BCAS3: variants seen among roughly 807,000 people sequenced by gnomAD.
BCAS3 encodes the protein BCAS4/BCAS3 fusion.
Under a neutral mutation model 116.1 loss-of-function variants are expected in BCAS3, and 53 were observed. The ratio of observed to expected loss-of-function variants is 0.46; its 90% CI spans 0.37 to 0.57. The LOEUF (loss-of-function observed/expected upper bound fraction) is 0.57, where lower values mean the gene tolerates loss of function less well. Ranked by LOEUF, BCAS3 falls within the 20% of genes least tolerant of loss-of-function variation. The pLI is 0.00. For missense variants in BCAS3, 917 were observed against 1,165.4 expected, an observed-to-expected ratio of 0.79 and a Z score of 3.10; for synonymous variants, 391 against 408.2, an observed-to-expected ratio of 0.96 and a Z score of 0.51.
chr17:60,845,740 G>C (rs1390911808), intron 7 of BCAS3, among the ~76,000 whole-genome samples: 1 of 151,090 alleles, frequency 6.6e-6, no homozygotes. Context: ...CTATTCTCTT[G>C]GTTACATACT....
intron 22 of BCAS3, among the ~76,000 whole-genome samples, chr17:61,306,153 G>C (rs1006544531): frequency 2.0e-5 from 3 of 152,172 alleles, no homozygotes; most frequent in African/African-American, 2.4e-5. Context: ...TTCTATATGT[G>C]GAAAAGCAGT....
chr17:60,690,930 A>AAACAAG (rs2034727258), intron 4 of BCAS3, among the ~76,000 whole-genome samples: 1 of 151,802 alleles, frequency 6.6e-6, no homozygotes, highest in African/African-American at 2.4e-5. Context: ...AAAAAAACAA[A>AAACAAG]AACAAAAACA....
intron 7 of BCAS3, among the ~76,000 whole-genome samples, chr17:60,846,952 T>C (rs911213905): frequency 3.3e-5 from 5 of 152,162 alleles, no homozygotes; most frequent in African/African-American, 1.2e-4. Flanking sequence ...GAAAGCCCCA[T>C]ACCCGTTAAA....
intron 6 of BCAS3, among the ~76,000 whole-genome samples, chr17:60,798,198 A>T (rs1340559012): frequency 1.3e-5 from 2 of 152,248 alleles, no homozygotes; most frequent in African/African-American, 4.8e-5. Flanking sequence ...AATTGACATT[A>T]GGATTCTCTT....
At chr17:60,910,963 A>AATAAATAATTAT (rs2058463357) in intron 12 of BCAS3, among the ~76,000 whole-genome samples, 1 of 152,104 alleles carries the variant, frequency 6.6e-6, no homozygotes, top group Non-Finnish European at 1.5e-5. Context: ...TTGTTTCATA[A>AATAAATAATTAT]ATAAATAATT....
chr17:61,380,666 G>A lies in BCAS3; in HGVS notation c.2594-11311G>A, dbSNP rs1470988687. ...TGCCCTCCTACCCCCTCGTGCCCAG[G>A]CCCAGGAGCACTCTAGGGAGGGCAG... On this transcript the variant is annotated intron_variant, in intron 23 of 23. Transcript: ENST00000407086. The surrounding 1 kb of genome is among the most constrained non-coding windows in gnomAD (Gnocchi z 4.2). 1.1e-5 allele frequency: 13 copies of A among 1,182,030 alleles called. No individual in the cohort carries two copies. The highest frequency in any genetic ancestry group is 1.6e-5 in the Non-Finnish European group (13 of 818,680). The allele number at this position is 1,182,030 out of a possible 1,614,324, so 73.2% of individuals were successfully genotyped here.
intron 11 of BCAS3, among the ~76,000 whole-genome samples, chr17:60,904,998 A>G (rs369867677): frequency 6.6e-6 from 1 of 152,224 alleles, no homozygotes; most frequent in African/African-American, 2.4e-5. Flanking sequence ...AGATCACCTT[A>G]ATACTAAAAC....
At chr17:60,720,078 A>G (rs1450710107) in intron 5 of BCAS3, 1 of 152,126 alleles carries the variant, frequency 6.6e-6, no homozygotes, top group Non-Finnish European at 1.5e-5. Context: ...TCAGTGGTAA[A>G]AGTCTTCTGA....
At chr17:60,794,436 T>C (rs1256526965) in intron 6 of BCAS3, among the ~76,000 whole-genome samples, 1 of 152,222 alleles carries the variant, frequency 6.6e-6, no homozygotes, top group Non-Finnish European at 1.5e-5. Flanking sequence ...ATCTGTGTTT[T>C]TATTGCATTT....
chr17:60,837,358 A>G (rs1357216570), intron 7 of BCAS3, among the ~76,000 whole-genome samples: 2 of 152,156 alleles, frequency 1.3e-5, no homozygotes, highest in Non-Finnish European at 2.9e-5. Context: ...AGTTAAGCCA[A>G]AAACTGATTA....
At chr17:61,127,475 C>T (rs1463519406) in intron 22 of BCAS3, among the ~76,000 whole-genome samples, 2 of 151,328 alleles carry the variant, frequency 1.3e-5, no homozygotes, top group Admixed American at 1.3e-4. Flanking sequence ...TTGTGCTGTC[C>T]AATACAATAG....
chr17:61,161,503 G>A lies in BCAS3; in HGVS notation c.2425+76939G>A, dbSNP rs1014692960. On this transcript the variant is annotated intron_variant, in intron 22 of 23. Coordinates refer to ENST00000407086, the MANE Select transcript of BCAS3 (RefSeq NM_017679.5). The surrounding 1 kb of genome is among the most constrained non-coding windows in gnomAD (Gnocchi z 4.8). ...AAAGACAGAGATAGTGGCACAAAAT[G>A]TGCTGTGGGTTTAAGCAATATTTGA... Among the ~76,000 whole-genome samples, 4 of 152,210 alleles carry A rather than the reference G, an allele frequency of 2.6e-5. No individual in the cohort carries two copies. Among genetic ancestry groups the A allele is most frequent in the Non-Finnish European group, 4.4e-5 (3 of 68,034 alleles).
intron 14 of BCAS3, among the ~76,000 whole-genome samples, chr17:60,979,724 A>G (rs868295522): frequency 6.6e-6 from 1 of 151,980 alleles, no homozygotes; most frequent in African/African-American, 2.4e-5. Context: ...GAATTTTGTC[A>G]GAGGCCTTTT....
At chr17:61,067,311 A>ATG (rs2070773210) in intron 19 of BCAS3, among the ~76,000 whole-genome samples, 1 of 135,122 alleles carries the variant, frequency 7.4e-6, no homozygotes, top group South Asian at 2.3e-4. Context: ...ATATATATAT[A>ATG]TATATTTATA....
At chr17:60,708,768 T>A (rs1473322981) in intron 4 of BCAS3, among the ~76,000 whole-genome samples, 1 of 152,136 alleles carries the variant, frequency 6.6e-6, no homozygotes, top group Non-Finnish European at 1.5e-5. Flanking sequence ...GACCTCATGA[T>A]CTGCCTGCCC....
At position 61,285,624 on chromosome 17, in the gene BCAS3, A is replaced by G. The variant is rs2051698067; in HGVS notation, c.2426-82703A>G. Among the ~76,000 whole-genome samples, 2 of 152,214 alleles carry G rather than the reference A, an allele frequency of 1.3e-5. No homozygotes were observed. Among genetic ancestry groups the G allele is most frequent in the South Asian group, 4.1e-4 (2 of 4,832 alleles). On this transcript the variant is annotated intron_variant, in intron 22 of 23. Transcript: ENST00000407086. This position sits in a 1 kb window ranked among gnomAD's most constrained non-coding sequence, Gnocchi z 5.4. ...ACTTTGTGTAAATAATGTACTTCTA[A>G]TTGGCTTTGATTAAGTGCAAATTAG...
At chr17:60,701,064 C>T (rs1365541910) in intron 4 of BCAS3, among the ~76,000 whole-genome samples, 1 of 151,580 alleles carries the variant, frequency 6.6e-6, no homozygotes, top group Admixed American at 6.6e-5. Flanking sequence ...GCTAACATGG[C>T]AAGACCCCGC....
In BCAS3 at chr17:61,278,247, T is replaced by C. The variant is rs2144657405; in HGVS notation, c.2426-90080T>C. Among the ~76,000 whole-genome samples the C allele has an allele frequency of 6.6e-6, 1 of 152,336 alleles. No individual in the cohort carries two copies. The highest frequency in any genetic ancestry group is 1.9e-4 in the East Asian group (1 of 5,188). On this transcript the variant is annotated intron_variant, in intron 22 of 23. Coordinates refer to ENST00000407086, the MANE Select transcript of BCAS3 (RefSeq NM_017679.5). This position sits in a 1 kb window ranked among gnomAD's most constrained non-coding sequence, Gnocchi z 5.8. ...TAGTAGAGACGGGGTTTCACCATGT[T>C]GGCCAGGCTGGTCTTGAACTCCTGA...
chr17:61,232,288 G>C (rs140416229), intron 22 of BCAS3, among the ~76,000 whole-genome samples: 1 of 151,406 alleles, frequency 6.6e-6, no homozygotes, highest in South Asian at 2.1e-4. Flanking sequence ...ATGTTAATCT[G>C]TGTAGTGTGC....
Sources: allele counts gnomAD v4.1 joint callset (sites outside exome capture counted in the v4.1 genomes callset), GRCh38; gene constraint gnomAD v4.1.1; non-coding constraint Gnocchi (gnomAD v3.1); transcripts MANE v1.5; gene names NCBI Gene and HGNC (gene_info 2026-07-23, HGNC 2026-07-21).